The following CEP295 variants were observed in gnomAD, a reference collection of about 807,000 sequenced individuals.
CEP295 encodes the protein centrosomal protein of 295 kDa.
A neutral mutation model predicts 291.6 loss-of-function variants in CEP295; 190 were observed. The observed-to-expected ratio is 0.65, with a 90% CI of 0.58 to 0.73. The LOEUF is 0.73. Ranked by LOEUF, CEP295 falls within the 30% of genes least tolerant of loss-of-function variation. The probability of loss-of-function intolerance (pLI) is 0.00; values close to 1 mark genes in which losing one functional copy is unlikely to be tolerated. For synonymous variants in CEP295, 993 were observed against 1,038.8 expected, an observed-to-expected ratio of 0.96 and a Z score of 0.85; for missense variants, 2,863 against 2,949.4, an observed-to-expected ratio of 0.97 and a Z score of 0.68.
intron 15 of CEP295, 50 bp downstream of exon 15, chr11:93,700,236 A>C: frequency 7.0e-7 from 1 of 1,422,058 alleles, no homozygotes; most frequent in Non-Finnish European, 9.4e-7. Context: ...TTAAACCCAA[A>C]TCAGTTTTTA....
Position 93,697,352 on chromosome 11 carries a change from A to G in CEP295, c.2440A>G (p.Met814Val), listed in dbSNP as rs1951894388. Residue 814 changes from methionine to valine, a missense_variant, in exon 15 of 30, where the codon ATG becomes GTG. Transcript: ENST00000325212. Reference sequence around the variant, plus strand: ...AAAAATTCAAGAACCCTTTTCAGCCATGAGCAAAAGTACAGTTTCCACAAG... The same window carrying G: ...AAAAATTCAAGAACCCTTTTCAGCCGTGAGCAAAAGTACAGTTTCCACAAG... Reference protein sequence around the residue: ...SGKIQEPFSAMSKSTVSTSHS... With the variant: ...SGKIQEPFSAVSKSTVSTSHS... 2 of 1,551,930 alleles carry G rather than the reference A, an allele frequency of 1.3e-6. No individual in the cohort carries two copies. The highest frequency in any genetic ancestry group is 8.7e-7 in the Non-Finnish European group (1 of 1,147,038).
chr11:93,661,888 C>G (rs1430357470), intron 1 of CEP295, 114 bp downstream of exon 1: 2 of 152,738 alleles, frequency 1.3e-5, no homozygotes, highest in Admixed American at 1.3e-4. Context: ...CGCCTTGTTG[C>G]GAACGCAGGT....
chr11:93,701,003 C>T (rs1327454990), intron 15 of CEP295, among the ~76,000 whole-genome samples: 2 of 152,130 alleles, frequency 1.3e-5, no homozygotes, highest in Non-Finnish European at 2.9e-5. Context: ...CCCAGTGACT[C>T]ATTCATAGTT....
Position 93,723,222 on chromosome 11 carries a change from C to T in CEP295, c.6129C>T (p.His2043=), listed in dbSNP as rs1483331423. ...ATGAAACTACATGTGGTCACACACA[C>T]TTTCAGCAAATGATAGACAAGTACA... is the stretch of plus-strand genomic sequence containing the variant. ...AVDETTCGHT[H]FQQMIDKYIN... The change falls in exon 21 of 30, where the codon CAC becomes CAT. Residue 2043 remains histidine (H), a synonymous_variant. Transcript: ENST00000325212. 1.9e-6 allele frequency: 3 copies of T among 1,550,842 alleles called. No individual in the cohort carries two copies. Among genetic ancestry groups the T allele is most frequent in the African/African-American group, 2.7e-5 (2 of 73,038 alleles).
chr11:93,720,583 C>A (rs1953640309), intron 18 of CEP295, among the ~76,000 whole-genome samples: 1 of 151,584 alleles, frequency 6.6e-6, no homozygotes, highest in Admixed American at 6.6e-5. Context: ...AATAAACAAC[C>A]ACTGGTTACA....
intron 18 of CEP295, among the ~76,000 whole-genome samples, chr11:93,720,875 G>T (rs1022857391): frequency 5.9e-5 from 9 of 152,168 alleles, no homozygotes; most frequent in Admixed American, 2.0e-4. Flanking sequence ...ATGATTACAG[G>T]TGTAAGCCAC....
At chr11:93,720,644 G>A (rs1409825839) in intron 18 of CEP295, among the ~76,000 whole-genome samples, 1 of 152,148 alleles carries the variant, frequency 6.6e-6, no homozygotes, top group Non-Finnish European at 1.5e-5. Flanking sequence ...AGAGGCTGGA[G>A]TGTGGTGGCA....
chr11:93,729,323 A>AT lies in CEP295; in HGVS notation c.7303-109dup. 4 of 732,446 alleles carry AT rather than the reference A, an allele frequency of 5.5e-6. No homozygotes were observed. In the South Asian group the frequency reaches 6.6e-5, roughly 12 times the overall value. 45.4% of individuals were successfully genotyped at this position (732,446 alleles called of 1,614,324 possible). On this transcript the variant is annotated intron_variant, in intron 25 of 29. Transcript: ENST00000325212. ...GCGGGTCTCTGTAGACCCAGCTAAGATTGAGGCTGCAGTGAGGTGTGATCA... is the reference window on the plus strand; with the variant it reads ...GCGGGTCTCTGTAGACCCAGCTAAGATTTGAGGCTGCAGTGAGGTGTGATCA...
intron 21 of CEP295, 53 bp from the exon 22 acceptor site, chr11:93,724,201 A>T: frequency 6.8e-7 from 1 of 1,477,444 alleles, no homozygotes. Flanking sequence ...CTTAAAAATA[A>T]ATTTATGATT....
rs1168079669 is a variant in CEP295, at chr11:93,699,987, A to G, written c.5075A>G (p.Asp1692Gly). 1.0e-5 allele frequency: 16 copies of G among 1,551,616 alleles called. No individual in the cohort carries two copies. In the Admixed American group the frequency reaches 2.2e-4, roughly 21 times the overall value. The change falls in exon 15 of 30, where the codon GAT becomes GGT. Residue 1692 changes from aspartate to glycine, a missense_variant. Coordinates refer to ENST00000325212, the MANE Select transcript of CEP295 (RefSeq NM_033395.2). ...PSNPVIPGFQDRLLSFSQSVL... is the reference protein window; with the variant it reads ...PSNPVIPGFQGRLLSFSQSVL... ...AATCCTGTGATCCCAGGGTTTCAAG[A>G]TAGACTTTTGAGTTTTTCACAGTCT...
rs369064086 is a variant in CEP295, at chr11:93,699,064, G to A, written c.4152G>A (p.Glu1384=). Residue 1384 remains glutamate (E), a synonymous_variant, in exon 15 of 30, where the codon GAG becomes GAA. Coordinates refer to ENST00000325212, the MANE Select transcript of CEP295 (RefSeq NM_033395.2). ...EELLLHQSEW[E]GRISPEQVDT... ...TACTTTTACATCAGAGTGAATGGGA[G>A]GGAAGAATATCTCCCGAGCAGGTTG... 6 of 1,546,242 alleles carry A rather than the reference G, an allele frequency of 3.9e-6. No individual in the cohort carries two copies. In the Admixed American group the frequency reaches 5.9e-5, roughly 15 times the overall value.
Position 93,691,680 on chromosome 11 carries a change from C to A in CEP295, c.1337-3C>A. The A allele has an allele frequency of 6.6e-7, 1 of 1,508,330 alleles. No individual in the cohort carries two copies. Among genetic ancestry groups the A allele is most frequent in the Non-Finnish European group, 9.0e-7 (1 of 1,114,000 alleles). The allele number at this position is 1,508,330 out of a possible 1,614,324, so 93.4% of individuals were successfully genotyped here. On this transcript the variant is annotated splice_region_variant and splice_polypyrimidine_tract_variant and intron_variant, in intron 10 of 29. Coordinates refer to ENST00000325212, the MANE Select transcript of CEP295 (RefSeq NM_033395.2). Reference sequence around the variant, plus strand: ...AAAATAACAGTGGTATTATCTATTACAGTTGTTGAAAGTGATACACTAACA... The same window carrying A: ...AAAATAACAGTGGTATTATCTATTAAAGTTGTTGAAAGTGATACACTAACA...
In CEP295 at chr11:93,702,958, T is replaced by A. The variant is rs760199289; in HGVS notation, c.5596+39T>A. ...TTGATAAAACAAGATTTTTAAATAATTTGCCAGTTTTCTACTTTTTTTTTA... is the reference window on the plus strand; with the variant it reads ...TTGATAAAACAAGATTTTTAAATAAATTGCCAGTTTTCTACTTTTTTTTTA... On this transcript the variant is annotated intron_variant, in intron 17 of 29. Coordinates refer to ENST00000325212, the MANE Select transcript of CEP295 (RefSeq NM_033395.2). 3 of 1,506,544 alleles carry A rather than the reference T, an allele frequency of 2.0e-6. 1 individual carries two copies. The South Asian group carries it at 3.8e-5, about 19-fold the overall frequency. The allele number at this position is 1,506,544 out of a possible 1,614,324, so 93.3% of individuals were successfully genotyped here.
intron 9 of CEP295, among the ~76,000 whole-genome samples, chr11:93,687,138 C>T (rs1241688631): frequency 1.3e-5 from 2 of 152,066 alleles, no homozygotes; most frequent in African/African-American, 2.4e-5. Context: ...GGGTGGGAGA[C>T]ATTTTTCCCA....
In CEP295 at chr11:93,730,238, T is replaced by A. The variant is rs780212395; in HGVS notation, c.7775T>A (p.Leu2592Gln). ...ARAKEFHKKTLEKLRAKNTC is the reference protein window; with the variant it reads ...ARAKEFHKKTQEKLRAKNTC ...TTTTTATTCCTTCCACAGAAAACAC[T>A]AGAGAAACTTCGAGCCAAAAATACA... Residue 2592 changes from leucine (L) to glutamine (Q), a missense_variant, in exon 30 of 30, where the codon CTA becomes CAA. By Grantham distance (113) the Leu-to-Gln change is moderately radical (BLOSUM62 -2). Coordinates refer to ENST00000325212, the MANE Select transcript of CEP295 (RefSeq NM_033395.2). 1 of 1,551,118 alleles carries A rather than the reference T, an allele frequency of 6.4e-7. No individual in the cohort carries two copies. The highest frequency in any genetic ancestry group is 1.2e-5 in the South Asian group (1 of 84,038).
chr11:93,706,776 C>T lies in CEP295; in HGVS notation c.5628C>T (p.Pro1876=), dbSNP rs544937387. ...GKPGIYEDRD[P]LRVSISREQS... ...CAGGTATTTATGAAGACAGAGACCCCCTGCGAGTCTCAATAAGCCGAGAAC... is the reference window on the plus strand; with the variant it reads ...CAGGTATTTATGAAGACAGAGACCCTCTGCGAGTCTCAATAAGCCGAGAAC... Residue 1876 remains proline, a synonymous_variant, in exon 18 of 30, where the codon CCC becomes CCT. Coordinates refer to ENST00000325212, the MANE Select transcript of CEP295 (RefSeq NM_033395.2). 3 of 1,548,586 alleles carry T rather than the reference C, an allele frequency of 1.9e-6. No homozygotes were observed. The South Asian group carries it at 3.6e-5, about 19-fold the overall frequency.
At chr11:93,710,116 T>C (rs1328116980) in intron 18 of CEP295, among the ~76,000 whole-genome samples, 1 of 152,196 alleles carries the variant, frequency 6.6e-6, no homozygotes, top group Non-Finnish European at 1.5e-5. Context: ...GGATGCTCTT[T>C]ATTTCCTTGT....
chr11:93,725,243 T>TC (rs1489674648), intron 22 of CEP295, among the ~76,000 whole-genome samples: 1 of 148,530 alleles, frequency 6.7e-6, no homozygotes, highest in East Asian at 2.0e-4. Context: ...TGAGACCCCA[T>TC]CTCAAAAAAA....
Position 93,697,920 on chromosome 11 carries a change from C to A in CEP295, c.3008C>A (p.Thr1003Lys), listed in dbSNP as rs1336572156. Residue 1003 changes from threonine to lysine, a missense_variant, in exon 15 of 30, where the codon ACA (threonine) becomes AAA (lysine). Coordinates refer to ENST00000325212, the MANE Select transcript of CEP295 (RefSeq NM_033395.2). ...TTCCCATTTCAGGTAGCTCAGCATA[C>A]ATTTACTTCACTACCATCTGCTGAT... ...PSFPFQVAQH[T>K]FTSLPSADTK... The A allele has an allele frequency of 8.4e-6, 13 of 1,551,562 alleles. No homozygotes were observed. The highest frequency in any genetic ancestry group is 1.1e-5 in the Non-Finnish European group (13 of 1,146,966).
Sources: allele counts gnomAD v4.1 joint callset (sites outside exome capture counted in the v4.1 genomes callset), GRCh38; gene constraint gnomAD v4.1.1; transcripts MANE v1.5; gene names NCBI Gene and HGNC (gene_info 2026-07-23, HGNC 2026-07-21).